The following SIL1 variants were observed in gnomAD, a reference collection of about 807,000 sequenced individuals.
The protein encoded by SIL1 is SIL1 nucleotide exchange factor.
Under a neutral mutation model 49.1 loss-of-function variants are expected in SIL1, and 40 were observed. That is an observed-to-expected ratio of 0.81 (90% CI 0.63 to 1.06). The LOEUF (loss-of-function observed/expected upper bound fraction) is 1.06, where lower values mean the gene tolerates loss of function less well. Ranked by LOEUF, SIL1 falls within the 50% of genes least tolerant of loss-of-function variation. The probability of loss-of-function intolerance (pLI) is 0.00; values close to 1 mark genes in which losing one functional copy is unlikely to be tolerated. For synonymous variants in SIL1, 253 were observed against 250.8 expected (o/e 1.01, Z -0.08); for missense variants, 500 against 572.6 (o/e 0.87, Z 1.29).
intron 7 of SIL1, chr5:139,012,813 A>T (rs990294688): frequency 6.6e-6 from 1 of 152,180 alleles, no homozygotes; most frequent in African/African-American, 2.4e-5. Context: ...ACAAAACAAT[A>T]AAAAGTAAAA....
chr5:139,039,331 C>T (rs1024491634), intron 5 of SIL1, among the ~76,000 whole-genome samples: 6 of 152,184 alleles, frequency 3.9e-5, no homozygotes, highest in Non-Finnish European at 5.9e-5. Flanking sequence ...AATCCAGACT[C>T]CCCACCTCAA....
At chr5:139,100,315 T>A (rs866277131) in intron 3 of SIL1, among the ~76,000 whole-genome samples, 20 of 152,278 alleles carry the variant, frequency 1.3e-4, no homozygotes, top group African/African-American at 2.9e-4. Flanking sequence ...AAGAACATTC[T>A]AGGTCCCAAG....
chr5:139,056,660 C>T (rs1217876362), intron 3 of SIL1, among the ~76,000 whole-genome samples: 1 of 143,678 alleles, frequency 7.0e-6, no homozygotes, highest in South Asian at 2.1e-4. Context: ...GGTCAGCCCC[C>T]CGCCTGGCCA....
At chr5:139,049,535 T>A (rs1769242211) in intron 4 of SIL1, among the ~76,000 whole-genome samples, 1 of 151,794 alleles carries the variant, frequency 6.6e-6, no homozygotes, top group African/African-American at 2.4e-5. Flanking sequence ...ACATCTGTTA[T>A]CCCAGCACTT....
intron 1 of SIL1, among the ~76,000 whole-genome samples, chr5:139,177,558 A>G (rs1751910106): frequency 6.6e-6 from 1 of 152,024 alleles, no homozygotes; most frequent in Non-Finnish European, 1.5e-5. Context: ...GATTCTAACT[A>G]AAGTCAGCCC....
intron 7 of SIL1, among the ~76,000 whole-genome samples, chr5:139,002,656 T>G (rs902647015): frequency 4.6e-5 from 7 of 152,222 alleles, no homozygotes; most frequent in Non-Finnish European, 2.9e-5. Flanking sequence ...TGTATTGTTT[T>G]CAACAATGTC....
chr5:139,054,829 C>A (rs577771265), intron 3 of SIL1, among the ~76,000 whole-genome samples: 10 of 152,270 alleles, frequency 6.6e-5, no homozygotes, highest in African/African-American at 2.2e-4. Flanking sequence ...ACTCAAAATA[C>A]AGGTTGTGTT....
At chr5:139,056,178 A>C (rs1427983300) in intron 3 of SIL1, among the ~76,000 whole-genome samples, 27 of 145,032 alleles carry the variant, frequency 1.9e-4, no homozygotes, top group South Asian at 4.5e-4. Flanking sequence ...CCCAGTCTGG[A>C]AAGTGAGGAG....
intron 2 of SIL1, among the ~76,000 whole-genome samples, chr5:139,124,755 T>A (rs1324190325): frequency 6.6e-6 from 1 of 152,222 alleles, no homozygotes; most frequent in Non-Finnish European, 1.5e-5. Context: ...TAAGCCCTGA[T>A]CATATGTCAG....
chr5:139,100,124 A>G (rs1198165107), intron 3 of SIL1, among the ~76,000 whole-genome samples: 1 of 152,214 alleles, frequency 6.6e-6, no homozygotes, highest in Non-Finnish European at 1.5e-5. Context: ...TCCCCTAGTC[A>G]TTTATTTAAA....
At chr5:139,004,785 A>G (rs1335993705) in intron 7 of SIL1, among the ~76,000 whole-genome samples, 1 of 152,006 alleles carries the variant, frequency 6.6e-6, no homozygotes, top group African/African-American at 2.4e-5. Flanking sequence ...AAAAAAATAA[A>G]GAAAAACTGC....
intron 1 of SIL1, among the ~76,000 whole-genome samples, chr5:139,162,733 T>C (rs1226309023): frequency 3.9e-5 from 6 of 152,208 alleles, no homozygotes; most frequent in African/African-American, 1.4e-4. Flanking sequence ...ATCTACTATA[T>C]GCCAGGTACC....
chr5:139,196,609 T>C (rs1752278719), intron 1 of SIL1: 2 of 152,222 alleles, frequency 1.3e-5, no homozygotes, highest in Non-Finnish European at 2.9e-5. Flanking sequence ...GCCGCATCCC[T>C]ACTAACATTT....
rs1769761786 is a variant in SIL1, at chr5:139,068,673, AAGAAG to A, written c.245-17632_245-17628del. ...TGAAAAGGAAAAAAAAAAAAAAAAA[AAGAAG>A]AGAAAGCACTATGGATTTAGAAAAG... On this transcript the variant is annotated intron_variant, in intron 3 of 9. Coordinates refer to ENST00000394817, the MANE Select transcript of SIL1 (RefSeq NM_022464.5). 3.5e-5 allele frequency among the ~76,000 whole-genome samples: 5 copies of A among 143,844 alleles called. No individual in the cohort carries two copies. In the South Asian group the frequency reaches 8.8e-4, roughly 25 times the overall value. The allele number at this position is 143,844 out of a possible 152,430, so 94.4% of individuals were successfully genotyped here.
intron 3 of SIL1, among the ~76,000 whole-genome samples, chr5:139,054,081 G>C (rs1243675740): frequency 7.2e-5 from 11 of 152,130 alleles, no homozygotes; most frequent in Non-Finnish European, 5.9e-5. Flanking sequence ...AGGAGTTAGA[G>C]ACCAGCCTGA....
At chr5:139,013,171 A>G (rs1246779634) in intron 7 of SIL1, among the ~76,000 whole-genome samples, 3 of 152,170 alleles carry the variant, frequency 2.0e-5, no homozygotes, top group South Asian at 2.1e-4. Context: ...CCTGTCCCCA[A>G]TATTTCCCTT....
At chr5:138,999,433 G>C (rs569583745) in intron 7 of SIL1, among the ~76,000 whole-genome samples, 4 of 152,194 alleles carry the variant, frequency 2.6e-5, no homozygotes, top group South Asian at 2.1e-4. Flanking sequence ...TAAACTCTTG[G>C]CCTCAAGCAA....
chr5:139,127,915 C>T, intron 1 of SIL1, 62 bp from the exon 2 acceptor site: 1 of 1,027,718 alleles, frequency 9.7e-7, no homozygotes, highest in Non-Finnish European at 1.5e-6. Context: ...TTCCCCCGCA[C>T]TGTGATTCCC....
chr5:138,960,413 C>CTTTTTTTTTTT (rs150578906), intron 7 of SIL1, among the ~76,000 whole-genome samples: 2 of 124,272 alleles, frequency 1.6e-5, no homozygotes, highest in Admixed American at 8.1e-5. Context: ...AAATCTACGT[C>CTTTTTTTTTTT]TTTTTTTTTT....
Sources: gnomAD v4.1 joint callset for allele counts (sites outside exome capture counted in the v4.1 genomes callset) on GRCh38, gnomAD v4.1.1 for gene constraint, MANE v1.5 for transcripts, NCBI Gene and HGNC (gene_info 2026-07-23, HGNC 2026-07-21) for gene names.